VCAN: variants seen among roughly 807,000 people sequenced by gnomAD.
VCAN encodes the protein versican core protein.
A neutral mutation model predicts 245.5 loss-of-function variants in VCAN; 44 were observed. The observed-to-expected ratio is 0.18, with a 90% CI of 0.14 to 0.23. The LOEUF is 0.23. Ranked by LOEUF, VCAN falls within the 10% of genes least tolerant of loss-of-function variation. The pLI is 1.00. For synonymous variants in VCAN, 1,413 were observed against 1,437.0 expected, an observed-to-expected ratio of 0.98 and a Z score of 0.38; for missense variants, 3,793 against 4,057.9, an observed-to-expected ratio of 0.93 and a Z score of 1.77.
intron 12 of VCAN, 80 bp from the exon 13 acceptor site, chr5:83,572,336 A>G (rs1251248748): frequency 2.8e-5 from 43 of 1,525,794 alleles, no homozygotes; most frequent in Non-Finnish European, 3.8e-5. Flanking sequence ...TATTCCAATT[A>G]GATTGTGATA....
intron 6 of VCAN, among the ~76,000 whole-genome samples, chr5:83,515,257 A>C (rs1745805152): frequency 6.6e-6 from 1 of 152,212 alleles, no homozygotes; most frequent in African/African-American, 2.4e-5. Context: ...AAAGTTGGAG[A>C]GTTATACAAG....
Position 83,542,263 on chromosome 5 carries a change from T to C in VCAN, c.9260T>C (p.Leu3087Ser). 1 of 1,612,370 alleles carries C rather than the reference T, an allele frequency of 6.2e-7. No homozygotes were observed. Among genetic ancestry groups the C allele is most frequent in the Non-Finnish European group, 8.5e-7 (1 of 1,179,848 alleles). Residue 3087 changes from leucine to serine, a missense_variant, in exon 8 of 15, where the codon TTA becomes TCA. Coordinates refer to ENST00000265077, the MANE Select transcript of VCAN (RefSeq NM_004385.5). ...EESVEGTAIY[L>S]PGPDRCKMNP... ...TCAGTGGAAGGCACGGCAATCTATTTACCAGGTAAGATCACAACATTGATA... is the reference window on the plus strand; with the variant it reads ...TCAGTGGAAGGCACGGCAATCTATTCACCAGGTAAGATCACAACATTGATA...
chr5:83,521,360 A>C lies in VCAN; in HGVS notation c.3054A>C (p.Pro1018=). The C allele has an allele frequency of 6.2e-7, 1 of 1,614,128 alleles. No homozygotes were observed. Among genetic ancestry groups the C allele is most frequent in the Non-Finnish European group, 8.5e-7 (1 of 1,179,992 alleles). The change falls in exon 7 of 15, where the codon CCA becomes CCC. Residue 1018 remains proline (P), a synonymous_variant. Transcript: ENST00000265077. ...DQTRLEATIS[P]ETMRTTKITE... ...CTCGCCTTGAAGCGACTATTTCTCC[A>C]GAAACTATGAGAACAACAAAAATCA...
In VCAN at chr5:83,493,658, T is replaced by C; in HGVS notation, c.558T>C (p.Phe186=). 1 of 1,614,148 alleles carries C rather than the reference T, an allele frequency of 6.2e-7. No homozygotes were observed. The highest frequency in any genetic ancestry group is 8.5e-7 in the Non-Finnish European group (1 of 1,180,004). The change falls in exon 4 of 15, where the codon TTT becomes TTC. Residue 186 remains phenylalanine (F), a synonymous_variant. Coordinates refer to ENST00000265077, the MANE Select transcript of VCAN (RefSeq NM_004385.5). ...GAVIATPEQL[F]AAYEDGFEQC... Reference sequence around the variant, plus strand: ...TCATAGCAACTCCAGAGCAGCTCTTTGCTGCCTATGAAGATGGATTTGAGC... The same window carrying C: ...TCATAGCAACTCCAGAGCAGCTCTTCGCTGCCTATGAAGATGGATTTGAGC...
rs1413571379 is a variant in VCAN at position 83,581,521 on chromosome 5, T to C, written c.*1087T>C. On this transcript the variant is annotated 3_prime_UTR_variant, in exon 15 of 15. Coordinates refer to ENST00000265077, the MANE Select transcript of VCAN (RefSeq NM_004385.5). ...TAGTATGCTAGTTATTTTTCAGTGT[T>C]AGCCTTTTACTTTCCTCACACAATT... 1 of 152,198 alleles carries C rather than the reference T, an allele frequency of 6.6e-6. No individual in the cohort carries two copies. Among genetic ancestry groups the C allele is most frequent in the East Asian group, 1.9e-4 (1 of 5,196 alleles). 9.4% of individuals were successfully genotyped at this position (152,198 alleles called of 1,614,324 possible). A position where few individuals can be genotyped will look rare whatever the true frequency, so the allele number is the denominator to read the frequency against.
chr5:83,480,402 A>G (rs11949144), intron 1 of VCAN, among the ~76,000 whole-genome samples: 4 of 152,192 alleles, frequency 2.6e-5, no homozygotes, highest in African/African-American at 9.7e-5. Context: ...TGGTTTTTTT[A>G]AATGAGATTT....
At chr5:83,530,642 A>T (rs944975042) in intron 7 of VCAN, among the ~76,000 whole-genome samples, 1 of 152,164 alleles carries the variant, frequency 6.6e-6, no homozygotes, top group Non-Finnish European at 1.5e-5. Flanking sequence ...AATGTATAAC[A>T]TTACTTTTCA....
intron 7 of VCAN, among the ~76,000 whole-genome samples, chr5:83,529,271 A>G (rs971402320): frequency 6.6e-6 from 1 of 151,056 alleles, no homozygotes; most frequent in African/African-American, 2.4e-5. Context: ...ACATTGTTAC[A>G]GGAGGCACTC....
rs886060826 is a variant in VCAN, at chr5:83,539,172, A to C, written c.6169A>C (p.Arg2057=). 7 of 1,613,892 alleles carry C rather than the reference A, an allele frequency of 4.3e-6. No individual in the cohort carries two copies. The highest frequency in any genetic ancestry group is 5.9e-6 in the Non-Finnish European group (7 of 1,179,984). The change falls in exon 8 of 15, where the codon AGA becomes CGA. Residue 2057 remains arginine, a synonymous_variant. Transcript: ENST00000265077. ...GGGTACTGTCAATGAAATTGATAGA[A>C]GATCCACCATTTTACCAACAGCAGA... is the stretch of plus-strand genomic sequence containing the variant. ...EVGTVNEIDR[R]STILPTAEVE...
chr5:83,510,567 C>T (rs946707939), intron 5 of VCAN, among the ~76,000 whole-genome samples: 1 of 152,204 alleles, frequency 6.6e-6, no homozygotes, highest in African/African-American at 2.4e-5. Flanking sequence ...CATTTCTCCT[C>T]CTGACTGTGA....
rs1199659008 is a variant in VCAN, at chr5:83,509,049, AAAGAGAAAGAAAGAAAAG to A, written c.749-3051_749-3034del. 8.9e-5 allele frequency among the ~76,000 whole-genome samples: 13 copies of A among 146,732 alleles called. 1 individual carries two copies. In the East Asian group the frequency reaches 2.8e-3, roughly 31 times the overall value. On this transcript the variant is annotated intron_variant, in intron 5 of 14. Transcript: ENST00000265077. ...CTTTTTTGAAAAGAAAGAAAGAAAG[AAAGAGAAAGAAAGAAAAG>A]AAAGAAAGAAAGAAAGAGAAAGAAA...
At chr5:83,523,078 G>A (rs1309811108) in intron 7 of VCAN, among the ~76,000 whole-genome samples, 2 of 152,102 alleles carry the variant, frequency 1.3e-5, no homozygotes, top group East Asian at 3.9e-4. Context: ...TATTTGTGAT[G>A]CCTTCTATTC....
At chr5:83,497,470 A>G (rs563033900) in intron 5 of VCAN, among the ~76,000 whole-genome samples, 147 of 152,330 alleles carry the variant, frequency 9.7e-4, no homozygotes, top group Non-Finnish European at 1.5e-3. Flanking sequence ...AAAATAACCT[A>G]TTAAGTTTTA....
chr5:83,539,297 G>T lies in VCAN; in HGVS notation c.6294G>T (p.Trp2098Cys), dbSNP rs1269017069. The change falls in exon 8 of 15, where the codon TGG (tryptophan) becomes TGT (cysteine). Residue 2098 changes from tryptophan to cysteine, a missense_variant. Trp to Cys is a radical substitution (Grantham distance 215). This residue lies in a region of VCAN where 3,182 missense variants were observed against 3,250.3 expected (regional missense o/e 0.98). Transcript: ENST00000265077. ...AAACTATAGAGCCAGCCAAATTATG[G>T]TCTAGGCAAGAAGTCAACCCTGTAA... ...FPQTIEPAKL[W>C]SRQEVNPVRQ... 6.2e-7 allele frequency: 1 copy of T among 1,614,038 alleles called. No individual in the cohort carries two copies. The highest frequency in any genetic ancestry group is 8.5e-7 in the Non-Finnish European group (1 of 1,179,992).
intron 6 of VCAN, among the ~76,000 whole-genome samples, chr5:83,516,623 A>C (rs308359): frequency 2.0e-5 from 3 of 152,118 alleles, no homozygotes; most frequent in Non-Finnish European, 4.4e-5. Context: ...TTTGTGGGAA[A>C]AGAATCGTGT....
At chr5:83,500,939 A>C (rs1009291724) in intron 5 of VCAN, among the ~76,000 whole-genome samples, 2 of 152,118 alleles carry the variant, frequency 1.3e-5, no homozygotes, top group African/African-American at 4.8e-5. Flanking sequence ...GCAGTGTATT[A>C]GGGTCCTGAT....
At chr5:83,571,338 A>G (rs1190804780) in intron 12 of VCAN, among the ~76,000 whole-genome samples, 1 of 152,174 alleles carries the variant, frequency 6.6e-6, no homozygotes, top group Non-Finnish European at 1.5e-5. Context: ...GGAAGGCAAT[A>G]TTTTAAGTAA....
intron 5 of VCAN, among the ~76,000 whole-genome samples, chr5:83,505,406 G>A (rs1336889690): frequency 2.0e-5 from 3 of 152,156 alleles, no homozygotes; most frequent in Non-Finnish European, 4.4e-5. Context: ...AGGGGTTACA[G>A]GGCCCATGCA....
chr5:83,476,330 A>T (rs537350720), intron 1 of VCAN, among the ~76,000 whole-genome samples: 1 of 152,280 alleles, frequency 6.6e-6, no homozygotes, highest in Admixed American at 6.5e-5. Flanking sequence ...TTAAAATGGG[A>T]TATTGCCCTG....
Sources: allele counts gnomAD v4.1 joint callset (sites outside exome capture counted in the v4.1 genomes callset), GRCh38; gene constraint gnomAD v4.1.1; regional missense constraint gnomAD v4.1.1; transcripts MANE v1.5; gene names NCBI Gene and HGNC (gene_info 2026-07-23, HGNC 2026-07-21).